ITPR2: variants seen among roughly 807,000 people sequenced by gnomAD.
ITPR2 encodes inositol 1,4,5-trisphosphate receptor type 2, also known as inositol 1,4,5-trisphosphate-gated calcium channel ITPR2.
In ITPR2, 207 loss-of-function variants were observed where a neutral mutation model predicts 317.1. The ratio of observed to expected loss-of-function variants is 0.65; its 90% confidence interval spans 0.58 to 0.73. The LOEUF (loss-of-function observed/expected upper bound fraction) is 0.73, where lower values mean the gene tolerates loss of function less well. ITPR2 is among the 30% of genes least tolerant of loss of function. The probability of loss-of-function intolerance (pLI) is 0.00; values close to 1 mark genes in which losing one functional copy is unlikely to be tolerated. For synonymous variants in ITPR2, 1,156 were observed against 1,149.1 expected (o/e 1.01, Z -0.12); for missense variants, 2,613 against 3,284.0 (o/e 0.80, Z 4.99).
At chr12:26,763,158 G>A (rs903317053) in intron 2 of ITPR2, among the ~76,000 whole-genome samples, 10 of 152,140 alleles carry the variant, frequency 6.6e-5, no homozygotes, top group South Asian at 4.2e-4. Flanking sequence ...TGATGGATGC[G>A]TGTTCTGGGG....
chr12:26,697,757 C>CA (rs2136994714), intron 9 of ITPR2, among the ~76,000 whole-genome samples: 1 of 152,002 alleles, frequency 6.6e-6, no homozygotes, highest in African/African-American at 2.4e-5. Context: ...GCAGTGACTG[C>CA]ACTCCAGCCT....
intron 1 of ITPR2, among the ~76,000 whole-genome samples, chr12:26,809,031 C>T (rs1366548851): frequency 6.6e-6 from 1 of 152,188 alleles, no homozygotes; most frequent in Non-Finnish European, 1.5e-5. Context: ...TCAGTCTCTA[C>T]TTTCTGATTC....
At position 26,665,960 on chromosome 12, in the gene ITPR2, G is replaced by A. The variant is rs1947617163; in HGVS notation, c.1501C>T (p.Pro501Ser). The A allele has an allele frequency of 6.2e-7, 1 of 1,613,530 alleles. No homozygotes were observed. Among genetic ancestry groups the A allele is most frequent in the African/African-American group, 1.3e-5 (1 of 74,854 alleles). ...QEVLDVVITKPNRERQKLMRE... is the reference protein window; with the variant it reads ...QEVLDVVITKSNRERQKLMRE... ...ATCAATTTTTGACGCTCTCGGTTTGGCTTAGTGATAACCACATCCAGAACT... is the reference window on the plus strand; with the variant it reads ...ATCAATTTTTGACGCTCTCGGTTTGACTTAGTGATAACCACATCCAGAACT... Residue 501 changes from proline (P) to serine (S), a missense_variant, in exon 14 of 57, where the codon CCA becomes TCA. This residue lies in a region of ITPR2 where 515 missense variants were observed against 789.4 expected (regional missense o/e 0.65). Transcript: ENST00000381340.
rs116621714 is a variant in ITPR2 at position 26,613,961 on chromosome 12, A to G, written c.3462+7162T>C. 7.0e-3 allele frequency among the ~76,000 whole-genome samples: 1,062 copies of G among 152,222 alleles called. 16 individuals are homozygous for G. Among genetic ancestry groups the G allele is most frequent in the African/African-American group, 0.024 (993 of 41,506 alleles). ...AATCTCAATAAGGCCTTAACTACAGACCTCAGAGAAATTCCACATACAAAG... is the reference window on the plus strand; with the variant it reads ...AATCTCAATAAGGCCTTAACTACAGGCCTCAGAGAAATTCCACATACAAAG... On this transcript the variant is annotated intron_variant, in intron 26 of 56. Transcript: ENST00000381340.
At chr12:26,421,645 A>AAACAGTCTCCCT in intron 49 of ITPR2, among the ~76,000 whole-genome samples, 1 of 152,190 alleles carries the variant, frequency 6.6e-6, no homozygotes, top group East Asian at 1.9e-4. Flanking sequence ...CCAGTCCTTC[A>AAACAGTCTCCCT]TTTGTCAGTG....
chr12:26,742,926 C>G (rs1417260278), intron 2 of ITPR2, among the ~76,000 whole-genome samples: 2 of 151,984 alleles, frequency 1.3e-5, no homozygotes, highest in African/African-American at 4.8e-5. Context: ...AGGTATGGTT[C>G]CATTTACATG....
Position 26,649,624 on chromosome 12 carries a change from A to G in ITPR2, c.2740+4352T>C, listed in dbSNP as rs1490933129. On this transcript the variant is annotated intron_variant, in intron 21 of 56. Transcript: ENST00000381340. ...TCTCCATTCAGCAGTCAACATGATC[A>G]GATCATATCAATCCCTTCTCAAATC... 4 of 152,336 alleles carry G rather than the reference A, an allele frequency of 2.6e-5. No homozygotes were observed. In the East Asian group the frequency reaches 7.7e-4, roughly 29 times the overall value. 9.4% of individuals were successfully genotyped at this position (152,336 alleles called of 1,614,324 possible).
At chr12:26,694,032 C>G (rs948797063) in intron 10 of ITPR2, among the ~76,000 whole-genome samples, 1 of 152,164 alleles carries the variant, frequency 6.6e-6, no homozygotes, top group African/African-American at 2.4e-5. Context: ...CTCTCTTGGC[C>G]CTACACGATG....
Position 26,381,912 on chromosome 12 carries a change from C to T in ITPR2, c.7857+5522G>A, listed in dbSNP as rs77596507. On this transcript the variant is annotated intron_variant, in intron 55 of 56. Coordinates refer to ENST00000381340, the MANE Select transcript of ITPR2 (RefSeq NM_002223.4). ...ATTTTTCAAATTAAGTACAAATATCCGTTAATATACCTCAGCAAATGAACA... is the reference window on the plus strand; with the variant it reads ...ATTTTTCAAATTAAGTACAAATATCTGTTAATATACCTCAGCAAATGAACA... Among the ~76,000 whole-genome samples, 687 of 152,228 alleles carry T rather than the reference C, an allele frequency of 4.5e-3. 2 individuals are homozygous for T. The highest frequency in any genetic ancestry group is 0.014 in the Middle Eastern group (4 of 290).
At chr12:26,395,928 T>C (rs993789501) in intron 54 of ITPR2, among the ~76,000 whole-genome samples, 2 of 152,208 alleles carry the variant, frequency 1.3e-5, no homozygotes, top group East Asian at 3.8e-4. Context: ...ATATACATCA[T>C]ACATAGTATT....
chr12:26,479,716 G>C (rs75553862), intron 43 of ITPR2, among the ~76,000 whole-genome samples: 4,521 of 152,188 alleles, frequency 0.03, 222 homozygotes, highest in African/African-American at 0.1. Context: ...TGAATAGAAA[G>C]AGCAGAAGCT....
chr12:26,718,518 A>ATATATAT (rs57224547), intron 5 of ITPR2, among the ~76,000 whole-genome samples: 1,946 of 149,522 alleles, frequency 0.013, 17 homozygotes, highest in Non-Finnish European at 0.018. Context: ...TATATATATA[A>ATATATAT]GGTTTTAAAT....
rs1270623294 is a variant in ITPR2 at position 26,831,672 on chromosome 12, A to ATTTATTTATATATATTTATT, written c.92+1017_92+1018insAATAAATATATATAAATAAA. 0.033 allele frequency among the ~76,000 whole-genome samples: 4,664 copies of ATTTATTTATATATATTTATT among 140,480 alleles called. 465 individuals carry two copies. Among genetic ancestry groups the ATTTATTTATATATATTTATT allele is most frequent in the Non-Finnish European group, 0.051 (3,270 of 64,150 alleles). 92.2% of individuals were successfully genotyped at this position (140,480 alleles called of 152,430 possible). Reference sequence around the variant, plus strand: ...ATTTAACCATTTGGCACACTGTTTTATATATAAATATATATATATATTCTA... The same window carrying ATTTATTTATATATATTTATT: ...ATTTAACCATTTGGCACACTGTTTTATTTATTTATATATATTTATTTATATAAATATATATATATATTCTA... On this transcript the variant is annotated intron_variant, in intron 1 of 56. Coordinates refer to ENST00000381340, the MANE Select transcript of ITPR2 (RefSeq NM_002223.4). This position sits in a 1 kb window ranked among gnomAD's most constrained non-coding sequence, Gnocchi z 4.9.
intron 52 of ITPR2, chr12:26,400,857 T>C (rs1940155255): frequency 6.6e-6 from 1 of 152,370 alleles, no homozygotes; most frequent in African/African-American, 2.4e-5. Flanking sequence ...CTCAGGCAAG[T>C]TGCTGAACCT....
intron 20 of ITPR2, 44 bp downstream of exon 20, chr12:26,655,664 T>C (rs1947355002): frequency 8.1e-7 from 1 of 1,240,808 alleles, no homozygotes; most frequent in African/African-American, 1.6e-5. Context: ...TGAACTAAAC[T>C]ACCCAGTTAC....
At chr12:26,814,507 C>G (rs1359587381) in intron 1 of ITPR2, among the ~76,000 whole-genome samples, 7 of 152,120 alleles carry the variant, frequency 4.6e-5, no homozygotes, top group African/African-American at 1.7e-4. Context: ...GAGTGTGGCA[C>G]TTTGCAAGCT....
chr12:26,411,994 T>C (rs551931288), intron 51 of ITPR2, among the ~76,000 whole-genome samples: 2 of 152,330 alleles, frequency 1.3e-5, no homozygotes, highest in Admixed American at 6.5e-5. Flanking sequence ...TGACACAGAA[T>C]AGAATAGAAA....
At chr12:26,631,506 G>A (rs1265385407) in intron 22 of ITPR2, among the ~76,000 whole-genome samples, 1 of 152,142 alleles carries the variant, frequency 6.6e-6, no homozygotes, top group Admixed American at 6.5e-5. Flanking sequence ...TAGGAAAAGA[G>A]CTGGAAACTA....
At chr12:26,727,831 C>G (rs1053457550) in intron 2 of ITPR2, among the ~76,000 whole-genome samples, 1 of 152,184 alleles carries the variant, frequency 6.6e-6, no homozygotes, top group East Asian at 1.9e-4. Context: ...TCAGAAAAGA[C>G]TTCCCCACGG....
Sources: allele counts gnomAD v4.1 joint callset (sites outside exome capture counted in the v4.1 genomes callset), GRCh38; gene constraint gnomAD v4.1.1; regional missense constraint gnomAD v4.1.1; non-coding constraint Gnocchi (gnomAD v3.1); transcripts MANE v1.5; gene names NCBI Gene and HGNC (gene_info 2026-07-23, HGNC 2026-07-21).